Variants in RARB observed in about 807,000 individuals in gnomAD.
RARB encodes retinoic acid receptor beta, also known as HBV-activated protein.
RARB carries 17 observed loss-of-function variants against 51.9 expected under a neutral mutation model. The observed-to-expected ratio is 0.33, with a 90% CI of 0.22 to 0.49. The LOEUF is 0.49. RARB is among the 20% of genes least tolerant of loss of function. The pLI is 0.99. For missense variants in RARB, 369 were observed against 550.8 expected (o/e 0.67, Z 3.30); for synonymous variants, 215 against 195.4 (o/e 1.10, Z -0.84).
intron 5 of RARB, among the ~76,000 whole-genome samples, chr3:25,398,267 C>T (rs908579179): frequency 5.9e-5 from 9 of 152,060 alleles, no homozygotes; most frequent in Non-Finnish European, 1.5e-5. Flanking sequence ...AAGGCTGGTC[C>T]ATCACCATTA....
chr3:24,835,298 T>C (rs1475212896), intron 1 of RARB, among the ~76,000 whole-genome samples: 2 of 152,226 alleles, frequency 1.3e-5, no homozygotes, highest in Non-Finnish European at 1.5e-5. Flanking sequence ...TGTGGATCCA[T>C]GCTACCATGC....
At chr3:25,319,698 G>C (rs549488572) in intron 5 of RARB, among the ~76,000 whole-genome samples, 1 of 152,208 alleles carries the variant, frequency 6.6e-6, no homozygotes, top group Non-Finnish European at 1.5e-5. Flanking sequence ...AAAAGACACA[G>C]ATCTTGATGA....
At chr3:25,448,651 G>C (rs1271453199) in intron 1 of RARB, among the ~76,000 whole-genome samples, 2 of 152,076 alleles carry the variant, frequency 1.3e-5, no homozygotes, top group Non-Finnish European at 2.9e-5. Context: ...ATTGTTAGTA[G>C]AGATAGGGTT....
At chr3:25,445,067 A>G (rs1361078268) in intron 1 of RARB, among the ~76,000 whole-genome samples, 3 of 151,970 alleles carry the variant, frequency 2.0e-5, no homozygotes, top group Non-Finnish European at 4.4e-5. Context: ...CTCCTGTCTC[A>G]GCCTCCTGAG....
At chr3:25,405,726 C>T (rs985904191) in intron 5 of RARB, among the ~76,000 whole-genome samples, 3 of 152,218 alleles carry the variant, frequency 2.0e-5, no homozygotes, top group African/African-American at 7.2e-5. Flanking sequence ...CTGCATGTGG[C>T]TAATGATGCA....
intron 2 of RARB, among the ~76,000 whole-genome samples, chr3:24,967,173 G>A (rs1191658506): frequency 1.3e-5 from 2 of 152,024 alleles, no homozygotes; most frequent in East Asian, 3.9e-4. Context: ...AATGGCCAGA[G>A]CTGCCTTGTG....
intron 5 of RARB, among the ~76,000 whole-genome samples, chr3:25,272,594 C>A (rs573648569): frequency 6.6e-6 from 1 of 152,316 alleles, no homozygotes; most frequent in South Asian, 2.1e-4. Context: ...TATTCTGGGT[C>A]CTGTCTCCAT....
intron 1 of RARB, among the ~76,000 whole-genome samples, chr3:25,460,544 T>G (rs191130032): frequency 1.9e-3 from 296 of 151,950 alleles, no homozygotes; most frequent in African/African-American, 6.9e-3. Context: ...GCCTCCTGGG[T>G]TCAAGCGATT....
intron 2 of RARB, among the ~76,000 whole-genome samples, chr3:24,872,466 G>C (rs780042805): frequency 2.6e-5 from 4 of 152,072 alleles, no homozygotes; most frequent in African/African-American, 9.7e-5. Flanking sequence ...GTTTATTTTG[G>C]CTTATAGTTC....
intron 5 of RARB, among the ~76,000 whole-genome samples, chr3:25,302,287 AG>A (rs1704058801): frequency 6.6e-6 from 1 of 152,254 alleles, no homozygotes; most frequent in African/African-American, 2.4e-5. Context: ...ATATACTCAA[AG>A]GAATGAAAAC....
At chr3:25,021,485 G>A (rs1003850091) in intron 2 of RARB, among the ~76,000 whole-genome samples, 2 of 152,028 alleles carry the variant, frequency 1.3e-5, no homozygotes, top group Admixed American at 6.6e-5. Flanking sequence ...CATGCTAATG[G>A]GATCTGGGAC....
At chr3:25,552,546 T>G (rs959910514) in intron 3 of RARB, among the ~76,000 whole-genome samples, 8 of 152,096 alleles carry the variant, frequency 5.3e-5, no homozygotes, top group Non-Finnish European at 1.2e-4. Context: ...ATTTCCAAGA[T>G]AGCTGGCCCT....
At chr3:24,983,432 A>G (rs1201997497) in intron 2 of RARB, among the ~76,000 whole-genome samples, 1 of 152,082 alleles carries the variant, frequency 6.6e-6, no homozygotes, top group East Asian at 1.9e-4. Flanking sequence ...TTTGTTACAT[A>G]GGTATACATG....
intron 4 of RARB, among the ~76,000 whole-genome samples, chr3:25,574,414 C>T (rs998524739): frequency 5.3e-5 from 8 of 152,220 alleles, no homozygotes; most frequent in African/African-American, 1.2e-4. Context: ...GCCGAATGTG[C>T]AGCTCTCCTC....
intron 5 of RARB, among the ~76,000 whole-genome samples, chr3:25,242,739 C>G (rs1283453134): frequency 6.6e-6 from 1 of 152,080 alleles, no homozygotes; most frequent in African/African-American, 2.4e-5. Context: ...AGTGAAGTAG[C>G]ATGATGCCTC....
At chr3:25,539,438 A>G (rs1252937482) in intron 3 of RARB, among the ~76,000 whole-genome samples, 2 of 151,064 alleles carry the variant, frequency 1.3e-5, no homozygotes, top group Non-Finnish European at 2.9e-5. Flanking sequence ...CTTCAAACCA[A>G]ACATCTCTAA....
At chr3:25,547,351 G>T (rs1699658230) in intron 3 of RARB, among the ~76,000 whole-genome samples, 1 of 152,138 alleles carries the variant, frequency 6.6e-6, no homozygotes, top group African/African-American at 2.4e-5. Context: ...AAAAACAGAG[G>T]TCTCCTCCCA....
intron 2 of RARB, among the ~76,000 whole-genome samples, chr3:24,921,130 TTC>T (rs1029113943): frequency 9.9e-5 from 15 of 152,114 alleles, no homozygotes; most frequent in Non-Finnish European, 8.8e-5. Flanking sequence ...TGAAAGAGAA[TTC>T]TGATTTTTTT....
chr3:25,338,614 A>C (rs1705133972), intron 5 of RARB, among the ~76,000 whole-genome samples: 1 of 152,268 alleles, frequency 6.6e-6, no homozygotes, highest in African/African-American at 2.4e-5. Flanking sequence ...TCAAAAGAAA[A>C]GATTCAGCAA....
Sources: gnomAD v4.1 joint callset for allele counts (sites outside exome capture counted in the v4.1 genomes callset) on GRCh38, gnomAD v4.1.1 for gene constraint, MANE v1.5 for transcripts, NCBI Gene and HGNC (gene_info 2026-07-23, HGNC 2026-07-21) for gene names.